TCF4: variants seen among roughly 807,000 people sequenced by gnomAD.
TCF4 encodes transcription factor 4.
In TCF4, 3 loss-of-function variants were observed where a neutral mutation model predicts 82.1. The observed-to-expected ratio is 0.04, with a 90% CI of 0.02 to 0.09. The LOEUF (loss-of-function observed/expected upper bound fraction) is 0.09, where lower values mean the gene tolerates loss of function less well. Ranked by LOEUF, TCF4 falls within the 10% of genes least tolerant of loss-of-function variation. The pLI is 1.00. For synonymous variants in TCF4, 276 were observed against 309.6 expected (o/e 0.89, Z 1.14); for missense variants, 518 against 852.7 (o/e 0.61, Z 4.89).
intron 6 of TCF4, among the ~76,000 whole-genome samples, chr18:55,365,541 T>C (rs1177449167): frequency 6.6e-6 from 1 of 151,914 alleles, no homozygotes; most frequent in African/African-American, 2.4e-5. Context: ...CAGCCAACAA[T>C]GGACCTCAGA....
At chr18:55,392,619 T>G (rs1049095138) in intron 6 of TCF4, among the ~76,000 whole-genome samples, 1 of 152,184 alleles carries the variant, frequency 6.6e-6, no homozygotes, top group Non-Finnish European at 1.5e-5. Context: ...ATGTTCACTT[T>G]GGGACAGTAT....
At chr18:55,529,736 T>C (rs530459039) in intron 3 of TCF4, among the ~76,000 whole-genome samples, 46 of 152,224 alleles carry the variant, frequency 3.0e-4, no homozygotes, top group African/African-American at 1.1e-3. Context: ...AACACATTTC[T>C]AAAGGGAAGT....
chr18:55,462,131 T>C (rs761726553), intron 4 of TCF4, among the ~76,000 whole-genome samples: 2 of 152,122 alleles, frequency 1.3e-5, no homozygotes, highest in Non-Finnish European at 2.9e-5. Flanking sequence ...ACACATCCCC[T>C]CAACCTTAAG....
chr18:55,350,741 C>A (rs1047104544), intron 7 of TCF4, 133 bp downstream of exon 7: 4 of 1,284,162 alleles, frequency 3.1e-6, no homozygotes, highest in South Asian at 2.6e-5. Flanking sequence ...AGTCTCCAGG[C>A]TGACAACTGA....
intron 2 of TCF4, among the ~76,000 whole-genome samples, chr18:55,629,507 A>G (rs964380332): frequency 3.9e-5 from 6 of 152,198 alleles, no homozygotes; most frequent in Admixed American, 3.9e-4. Context: ...ATAAGATACT[A>G]TGGGGCTTGG....
intron 6 of TCF4, chr18:55,400,747 C>T (rs2093766804): frequency 3.5e-6 from 1 of 282,704 alleles, no homozygotes; most frequent in South Asian, 3.6e-5. Flanking sequence ...ATGTATTCCT[C>T]CAGGACAGCG....
intron 6 of TCF4, chr18:55,401,428 T>A: frequency 9.4e-7 from 1 of 1,063,264 alleles, no homozygotes; most frequent in Non-Finnish European, 1.1e-6. Flanking sequence ...GAAGGCTTTT[T>A]AAGAAAAGCA....
chr18:55,552,409 G>A (rs1234485966), intron 3 of TCF4, among the ~76,000 whole-genome samples: 1 of 152,168 alleles, frequency 6.6e-6, no homozygotes, highest in Non-Finnish European at 1.5e-5. Context: ...ACACCTCTTT[G>A]TCAGCCCCAA....
At chr18:55,435,738 C>T (rs1246702367) in intron 5 of TCF4, among the ~76,000 whole-genome samples, 2 of 152,204 alleles carry the variant, frequency 1.3e-5, no homozygotes, top group African/African-American at 2.4e-5. Context: ...CATTCCCATG[C>T]CAGCTCCCTC....
intron 2 of TCF4, among the ~76,000 whole-genome samples, chr18:55,598,861 T>C (rs1568483615): frequency 1.3e-5 from 2 of 152,226 alleles, no homozygotes. Context: ...CCCAATTTTA[T>C]GTCAGGCTAA....
intron 6 of TCF4, among the ~76,000 whole-genome samples, chr18:55,363,451 T>C (rs1030274159): frequency 6.6e-6 from 1 of 152,206 alleles, no homozygotes; most frequent in Non-Finnish European, 1.5e-5. Context: ...TTGTTAGCTA[T>C]GACATTAGAG....
intron 6 of TCF4, among the ~76,000 whole-genome samples, chr18:55,367,600 A>G (rs2087566447): frequency 1.3e-5 from 2 of 152,220 alleles, no homozygotes; most frequent in South Asian, 4.1e-4. Flanking sequence ...CATTTCAGCA[A>G]CTATTCTAAG....
chr18:55,605,304 C>G (rs148104709), intron 2 of TCF4, among the ~76,000 whole-genome samples: 1 of 152,288 alleles, frequency 6.6e-6, no homozygotes, highest in African/African-American at 2.4e-5. Flanking sequence ...AATCTTGGAT[C>G]CTAAGTTTGG....
chr18:55,308,525 G>C (rs957218400), intron 8 of TCF4, among the ~76,000 whole-genome samples: 1 of 152,182 alleles, frequency 6.6e-6, no homozygotes. Flanking sequence ...ACATATGCCC[G>C]TATGGTGGAT....
At chr18:55,483,195 CT>C (rs1248037222) in intron 3 of TCF4, among the ~76,000 whole-genome samples, 2 of 152,150 alleles carry the variant, frequency 1.3e-5, no homozygotes, top group African/African-American at 4.8e-5. Context: ...AAAATGCCAG[CT>C]GAATTCATAA....
chr18:55,403,532 C>G lies in TCF4; in HGVS notation c.305-14G>C. On this transcript the variant is annotated splice_polypyrimidine_tract_variant and intron_variant, in intron 5 of 19. Transcript: ENST00000354452. The stretch of plus-strand genomic sequence containing the variant: ...TTTCTGTTTTACCTGCCAAGAGAAA[C>G]GACAAAAAAGTGTAAATTGTGTTTT... The G allele has an allele frequency of 6.2e-7, 1 of 1,613,644 alleles. No individual in the cohort carries two copies. Among genetic ancestry groups the G allele is most frequent in the Non-Finnish European group, 8.5e-7 (1 of 1,179,752 alleles).
chr18:55,605,836 G>C (rs531172624), intron 2 of TCF4, among the ~76,000 whole-genome samples: 1 of 152,314 alleles, frequency 6.6e-6, no homozygotes, highest in Admixed American at 6.5e-5. Flanking sequence ...AGCCACAGCT[G>C]AAACAGGTTT....
chr18:55,568,465 G>C (rs1054400258), intron 3 of TCF4, among the ~76,000 whole-genome samples: 5 of 151,444 alleles, frequency 3.3e-5, no homozygotes, highest in Non-Finnish European at 7.4e-5. Flanking sequence ...ATGAAATAGA[G>C]AGAAAACTGA....
intron 3 of TCF4, among the ~76,000 whole-genome samples, chr18:55,543,200 A>G (rs1460078165): frequency 6.6e-6 from 1 of 152,112 alleles, no homozygotes; most frequent in East Asian, 1.9e-4. Context: ...AAAGAGAAAG[A>G]ACCTAGTCTG....
Sources: gnomAD v4.1 joint callset for allele counts (sites outside exome capture counted in the v4.1 genomes callset) on GRCh38, gnomAD v4.1.1 for gene constraint, MANE v1.5 for transcripts, NCBI Gene and HGNC (gene_info 2026-07-23, HGNC 2026-07-21) for gene names.